USP46: variants seen among roughly 807,000 people sequenced by gnomAD.
The protein encoded by USP46 is ubiquitin carboxyl-terminal hydrolase 46.
Under a neutral mutation model 44.4 loss-of-function variants are expected in USP46, and 12 were observed. That is an observed-to-expected ratio of 0.27 (90% CI 0.17 to 0.44). The LOEUF (loss-of-function observed/expected upper bound fraction) is 0.44, where lower values mean the gene tolerates loss of function less well. Ranked by LOEUF, USP46 falls within the 20% of genes least tolerant of loss-of-function variation. The pLI, the probability that USP46 is intolerant of heterozygous loss-of-function variation, is 1.00. For missense variants in USP46, 248 were observed against 444.8 expected (o/e 0.56, Z 3.98); for synonymous variants, 155 against 161.5 (o/e 0.96, Z 0.31).
chr4:52,609,894 A>ATTTTTTTT (rs1423146190), intron 5 of USP46, among the ~76,000 whole-genome samples: 2 of 20,644 alleles, frequency 9.7e-5, no homozygotes, highest in East Asian at 1.0e-3. Flanking sequence ...CCTCAATTCT[A>ATTTTTTTT]TTTCTTTTTT....
At chr4:52,634,710 C>T (rs1718046931) in intron 1 of USP46, among the ~76,000 whole-genome samples, 1 of 152,064 alleles carries the variant, frequency 6.6e-6, no homozygotes, top group African/African-American at 2.4e-5. Context: ...CAGGCATGAG[C>T]CGCCACGCCC....
At chr4:52,649,900 A>T (rs1032375635) in intron 1 of USP46, among the ~76,000 whole-genome samples, 1 of 152,168 alleles carries the variant, frequency 6.6e-6, no homozygotes, top group Non-Finnish European at 1.5e-5. Context: ...TAAAATACAC[A>T]CACACACATA....
Position 52,610,530 on chromosome 4 carries a change from A to G in USP46, c.638+11T>C. The stretch of plus-strand genomic sequence containing the variant: ...TGATCAAAAGCTCAAACTGCCTCAG[A>G]GTTCATATACCTTAGACAGTGGGTA... On this transcript the variant is annotated intron_variant, in intron 5 of 8. Transcript: ENST00000441222. The G allele has an allele frequency of 8.7e-6, 14 of 1,612,252 alleles. No homozygotes were observed. The highest frequency in any genetic ancestry group is 1.0e-5 in the Non-Finnish European group (12 of 1,178,834).
Position 52,656,516 on chromosome 4 carries a change from T to G in USP46, c.36+2599A>C, listed in dbSNP as rs374867220. Reference sequence around the variant, plus strand: ...TTCCTATACATGGGAGGTGTTTATATTAGTGGTTGCTTCCACCAGGTCTGA... The same window carrying G: ...TTCCTATACATGGGAGGTGTTTATAGTAGTGGTTGCTTCCACCAGGTCTGA... On this transcript the variant is annotated intron_variant, in intron 1 of 8. Coordinates refer to ENST00000441222, the MANE Select transcript of USP46 (RefSeq NM_022832.4). The G allele has an allele frequency of 4.9e-6, 7 of 1,423,410 alleles. No individual in the cohort carries two copies. The African/African-American group carries it at 7.2e-5, about 15-fold the overall frequency. 88.2% of individuals were successfully genotyped at this position (1,423,410 alleles called of 1,614,324 possible). A position where few individuals can be genotyped will look rare whatever the true frequency, so the allele number is the denominator to read the frequency against.
At chr4:52,602,213 T>C (rs780951554) in intron 6 of USP46, among the ~76,000 whole-genome samples, 159 bp from the exon 7 acceptor site, 18 of 152,176 alleles carry the variant, frequency 1.2e-4, no homozygotes, top group Non-Finnish European at 2.4e-4. Context: ...CTGGCATATA[T>C]AGAGCTGACT....
intron 1 of USP46, among the ~76,000 whole-genome samples, chr4:52,633,199 C>A (rs773706482): frequency 3.9e-5 from 6 of 152,210 alleles, no homozygotes; most frequent in Non-Finnish European, 7.3e-5. Context: ...CCTCCTCGGA[C>A]CACAGAACTA....
rs1560405885 is a variant in USP46 at position 52,632,953 on chromosome 4, AAAG to A, written c.37-1812_37-1810del. 8.0e-4 allele frequency among the ~76,000 whole-genome samples: 61 copies of A among 76,356 alleles called. 1 individual carries two copies. The highest frequency in any genetic ancestry group is 3.7e-3 in the African/African-American group (56 of 14,936). 50.1% of individuals were successfully genotyped at this position (76,356 alleles called of 152,430 possible). A position where few individuals can be genotyped will look rare whatever the true frequency, so the allele number is the denominator to read the frequency against. On this transcript the variant is annotated intron_variant, in intron 1 of 8. Coordinates refer to ENST00000441222, the MANE Select transcript of USP46 (RefSeq NM_022832.4). ...GAAAGAAAGAAAGAAAGAAAGAAAG[AAAG>A]AAAGAAAGAAAGAAAGAAAGAAAGA... is the stretch of plus-strand genomic sequence containing the variant.
chr4:52,597,503 G>C lies in USP46; in HGVS notation c.*137C>G, dbSNP rs1716290359. The C allele has an allele frequency of 1.5e-6, 1 of 655,756 alleles. No individual in the cohort carries two copies. The highest frequency in any genetic ancestry group is 2.8e-5 in the East Asian group (1 of 35,156). The allele number at this position is 655,756 out of a possible 1,614,324, so 40.6% of individuals were successfully genotyped here. A position where few individuals can be genotyped will look rare whatever the true frequency, so the allele number is the denominator to read the frequency against. ...GCATGTAAAAACACAAAAGGAGAGA[G>C]TCTAACACAGCCAGACCATTGAGAC... On this transcript the variant is annotated 3_prime_UTR_variant, in exon 9 of 9. Transcript: ENST00000441222.
chr4:52,659,248 C>A lies in USP46; in HGVS notation c.-98G>T. ...CTGGCGGGGAGGCCGGGCGGCAGCG[C>A]GGCGGCCTGGGGTCCGGCTTTCAGT... On this transcript the variant is annotated 5_prime_UTR_variant, in exon 1 of 9. Coordinates refer to ENST00000441222, the MANE Select transcript of USP46 (RefSeq NM_022832.4). This position sits in a 1 kb window ranked among gnomAD's most constrained non-coding sequence, Gnocchi z 4.2. 3 of 1,209,184 alleles carry A rather than the reference C, an allele frequency of 2.5e-6. No homozygotes were observed. The highest frequency in any genetic ancestry group is 2.1e-6 in the Non-Finnish European group (2 of 936,688). The allele number at this position is 1,209,184 out of a possible 1,614,324, so 74.9% of individuals were successfully genotyped here.
chr4:52,604,629 C>T, intron 5 of USP46, 45 bp from the exon 6 acceptor site: 2 of 1,331,494 alleles, frequency 1.5e-6, no homozygotes, highest in African/African-American at 1.5e-5. Flanking sequence ...TCCAAATCTA[C>T]TTGGTATACT....
intron 4 of USP46, among the ~76,000 whole-genome samples, chr4:52,624,965 T>G (rs1717518331): frequency 6.6e-6 from 1 of 152,190 alleles, no homozygotes; most frequent in Admixed American, 6.5e-5. Flanking sequence ...TTTAAGCAAC[T>G]CATGAGGGAT....
intron 4 of USP46, among the ~76,000 whole-genome samples, chr4:52,618,537 TA>T (rs1303429532): frequency 6.6e-6 from 1 of 150,704 alleles, no homozygotes; most frequent in African/African-American, 2.4e-5. Flanking sequence ...TGCACTACTG[TA>T]TTCCAGCCTG....
At chr4:52,608,779 C>T (rs1449847131) in intron 5 of USP46, among the ~76,000 whole-genome samples, 1 of 152,182 alleles carries the variant, frequency 6.6e-6, no homozygotes, top group Non-Finnish European at 1.5e-5. Flanking sequence ...TGCTCCAATG[C>T]TTCCCAATAA....
At chr4:52,606,062 T>C (rs1224306117) in intron 5 of USP46, among the ~76,000 whole-genome samples, 3 of 152,234 alleles carry the variant, frequency 2.0e-5, no homozygotes, top group Non-Finnish European at 4.4e-5. Context: ...GTTCATTTGA[T>C]TACTTGCCTC....
chr4:52,597,745 C>T lies in USP46; in HGVS notation c.1000-4G>A. On this transcript the variant is annotated splice_region_variant and splice_polypyrimidine_tract_variant and intron_variant, in intron 8 of 8. Transcript: ENST00000441222. ...CAATAGCTTGAGCATCTATTTTCTG[C>T]AATAAAGGAGAAAGAAAACAACACA... The T allele has an allele frequency of 2.5e-6, 4 of 1,576,116 alleles. No homozygotes were observed. The highest frequency in any genetic ancestry group is 3.4e-6 in the Non-Finnish European group (4 of 1,162,220).
chr4:52,635,875 G>A (rs996313366), intron 1 of USP46, among the ~76,000 whole-genome samples: 1 of 152,184 alleles, frequency 6.6e-6, no homozygotes, highest in African/African-American at 2.4e-5. Context: ...TGGTGGTGAG[G>A]TGGGGAGAAG....
At chr4:52,627,687 A>G (rs1717646150) in intron 3 of USP46, among the ~76,000 whole-genome samples, 1 of 152,196 alleles carries the variant, frequency 6.6e-6, no homozygotes, top group African/African-American at 2.4e-5. Flanking sequence ...TCTTACAATG[A>G]TCCTGCCCAG....
chr4:52,613,028 A>T (rs1716992283), intron 4 of USP46, among the ~76,000 whole-genome samples: 2 of 152,244 alleles, frequency 1.3e-5, no homozygotes, highest in African/African-American at 4.8e-5. Flanking sequence ...ACCAAAAACT[A>T]AAAGCAGCTA....
Position 52,659,027 on chromosome 4 carries a change from C to G in USP46, c.36+88G>C. On this transcript the variant is annotated intron_variant, in intron 1 of 8. Coordinates refer to ENST00000441222, the MANE Select transcript of USP46 (RefSeq NM_022832.4). The surrounding 1 kb of genome is among the most constrained non-coding windows in gnomAD (Gnocchi z 4.2). ...GCGGACCCCGCCGCCCCCGCCGCCC[C>G]AGCCACCGGGCGTGTGTGCAGCTCG... is the stretch of plus-strand genomic sequence containing the variant. 2.1e-6 allele frequency: 3 copies of G among 1,449,690 alleles called. No homozygotes were observed. Among genetic ancestry groups the G allele is most frequent in the Non-Finnish European group, 2.7e-6 (3 of 1,091,882 alleles). The allele number at this position is 1,449,690 out of a possible 1,614,324, so 89.8% of individuals were successfully genotyped here. A position where few individuals can be genotyped will look rare whatever the true frequency, so the allele number is the denominator to read the frequency against.
Sources: gnomAD v4.1 joint callset for allele counts (sites outside exome capture counted in the v4.1 genomes callset) on GRCh38, gnomAD v4.1.1 for gene constraint, Gnocchi (gnomAD v3.1) non-coding constraint, MANE v1.5 for transcripts, NCBI Gene and HGNC (gene_info 2026-07-23, HGNC 2026-07-21) for gene names.